CFAP52: variants seen among roughly 807,000 people sequenced by gnomAD.
The protein encoded by CFAP52 is cilia and flagella associated protein 52.
Under a neutral mutation model 70.5 loss-of-function variants are expected in CFAP52, and 57 were observed. That is an observed-to-expected ratio of 0.81 (90% confidence interval 0.65 to 1.01). The LOEUF is 1.01. CFAP52 is among the 50% of genes least tolerant of loss of function. The pLI is 0.00. For missense variants in CFAP52, 785 were observed against 788.5 expected (o/e 1.00, Z 0.05); for synonymous variants, 267 against 292.5 (o/e 0.91, Z 0.89).
intron 1 of CFAP52, among the ~76,000 whole-genome samples, chr17:9,577,081 T>C (rs1907986048): frequency 6.6e-6 from 1 of 152,156 alleles, no homozygotes; most frequent in Admixed American, 6.5e-5. Flanking sequence ...CTTCTCCCAC[T>C]AGGTCAGCCC....
rs57409272 is a variant in CFAP52 at position 9,598,215 on chromosome 17, GT to G, written c.537-7del. 31,945 of 1,139,638 alleles carry G rather than the reference GT, an allele frequency of 0.028. 55 individuals carry two copies. Among genetic ancestry groups the G allele is most frequent in the African/African-American group, 0.051 (3,343 of 65,598 alleles). The allele number at this position is 1,139,638 out of a possible 1,614,324, so 70.6% of individuals were successfully genotyped here. On this transcript the variant is annotated intron_variant, in intron 4 of 13. Coordinates refer to ENST00000352665, the MANE Select transcript of CFAP52 (RefSeq NM_145054.5). ...GGTGTCCATTTGATTGTGGTTTTTT[GT>G]TTTTTTTTTTTACATAGTGGGACAA...
At chr17:9,631,028 A>AAG (rs761523039) in intron 9 of CFAP52, among the ~76,000 whole-genome samples, 25 of 44,728 alleles carry the variant, frequency 5.6e-4, no homozygotes, top group South Asian at 1.1e-3. Flanking sequence ...GAAAGAAAGA[A>AAG]AGAGAGAGAG....
Position 9,643,355 on chromosome 17 carries a change from A to C in CFAP52, c.*157A>C, listed in dbSNP as rs1911176310. The C allele has an allele frequency of 3.9e-6, 2 of 516,842 alleles. No homozygotes were observed. Among genetic ancestry groups the C allele is most frequent in the Non-Finnish European group, 6.1e-6 (2 of 329,164 alleles). The allele number at this position is 516,842 out of a possible 1,614,324, so 32.0% of individuals were successfully genotyped here. On this transcript the variant is annotated 3_prime_UTR_variant, in exon 14 of 14. Coordinates refer to ENST00000352665, the MANE Select transcript of CFAP52 (RefSeq NM_145054.5). ...TTATAGAATGCATTTTATATTCTTA[A>C]ATTGCATATTAAAATTGAAGTATGT... is the stretch of plus-strand genomic sequence containing the variant.
intron 3 of CFAP52, among the ~76,000 whole-genome samples, chr17:9,592,031 AT>A (rs1207733614): frequency 6.6e-6 from 1 of 152,296 alleles, no homozygotes; most frequent in East Asian, 1.9e-4. Context: ...AGGCACTTGG[AT>A]TTTTTTAATT....
chr17:9,631,078 G>GAAAGAAAGAA (rs1452920856), intron 9 of CFAP52, among the ~76,000 whole-genome samples: 1 of 129,736 alleles, frequency 7.7e-6, no homozygotes, highest in Admixed American at 7.6e-5. Flanking sequence ...AAGAAAGAAA[G>GAAAGAAAGAA]AAAGAGAAAG....
At chr17:9,627,580 T>C (rs374237010) in intron 8 of CFAP52, among the ~76,000 whole-genome samples, 108 of 152,208 alleles carry the variant, frequency 7.1e-4, no homozygotes, top group African/African-American at 2.3e-3. Context: ...TCTCTCTTAA[T>C]ACAAGCAATC....
chr17:9,586,548 AGAGT>A (rs749903765), intron 2 of CFAP52, 146 bp from the exon 3 acceptor site: 108 of 1,086,954 alleles, frequency 9.9e-5, no homozygotes, highest in Non-Finnish European at 1.3e-4. Flanking sequence ...TGGGCAAAAA[AGAGT>A]GAGACTCCGT....
intron 3 of CFAP52, among the ~76,000 whole-genome samples, chr17:9,589,403 C>CCTT (rs1908640967): frequency 6.6e-6 from 1 of 152,106 alleles, no homozygotes; most frequent in Admixed American, 6.6e-5. Flanking sequence ...AGTGGTCACC[C>CCTT]CTTCCCTGGC....
chr17:9,645,002 G>C (rs1474623004), downstream of CFAP52: 1 of 152,278 alleles, frequency 6.6e-6, no homozygotes, highest in Non-Finnish European at 1.5e-5. This position sits in a 1 kb window ranked among gnomAD's most constrained non-coding sequence, Gnocchi z 6.8. Context: ...TCCCAGTTCA[G>C]GTCCCGGGTT....
intron 12 of CFAP52, among the ~76,000 whole-genome samples, chr17:9,640,324 C>T (rs929082682): frequency 6.0e-5 from 9 of 149,778 alleles, no homozygotes; most frequent in African/African-American, 2.2e-4. Flanking sequence ...GTTTGCTGTA[C>T]GGATCATCCC....
At chr17:9,640,893 C>T (rs925935441) in intron 12 of CFAP52, among the ~76,000 whole-genome samples, 1 of 152,188 alleles carries the variant, frequency 6.6e-6, no homozygotes, top group Non-Finnish European at 1.5e-5. Flanking sequence ...ACGGGCCCAA[C>T]TCGGCTTCCC....
At chr17:9,616,236 A>G (rs1251228591) in intron 8 of CFAP52, among the ~76,000 whole-genome samples, 1 of 149,388 alleles carries the variant, frequency 6.7e-6, no homozygotes, top group Admixed American at 6.7e-5. Flanking sequence ...GAAAGGGGTG[A>G]CGGACGCACC....
At position 9,576,692 on chromosome 17, in the gene CFAP52, A is replaced by G. The variant is rs1482035641; in HGVS notation, c.-4A>G. 6 of 1,611,928 alleles carry G rather than the reference A, an allele frequency of 3.7e-6. No individual in the cohort carries two copies. The highest frequency in any genetic ancestry group is 4.2e-6 in the Non-Finnish European group (5 of 1,178,984). ...GAGAGCAAAGTAATCAGAACCTCCC[A>G]AGGATGGATAACAAAATTTCGCCGG... On this transcript the variant is annotated 5_prime_UTR_variant, in exon 1 of 14. Transcript: ENST00000352665.
chr17:9,596,722 GT>G (rs369625026), intron 4 of CFAP52, among the ~76,000 whole-genome samples: 19 of 147,408 alleles, frequency 1.3e-4, no homozygotes, highest in Admixed American at 7.5e-4. Flanking sequence ...GTGTGTGTGT[GT>G]TTTTTTTTTG....
chr17:9,579,656 C>T lies in CFAP52; in HGVS notation c.70+2891C>T, dbSNP rs1364672189. ...GATCTCAGCTCACTGCAACCTCTGC[C>T]TCATGGGTTCAAGTGATTCTCCTGC... is the stretch of plus-strand genomic sequence containing the variant. On this transcript the variant is annotated intron_variant, in intron 1 of 13. Coordinates refer to ENST00000352665, the MANE Select transcript of CFAP52 (RefSeq NM_145054.5). Among the ~76,000 whole-genome samples, 3 of 152,216 alleles carry T rather than the reference C, an allele frequency of 2.0e-5. 1 individual carries two copies. The highest frequency in any genetic ancestry group is 2.0e-4 in the Admixed American group (3 of 15,272).
intron 13 of CFAP52, 74 bp from the exon 14 acceptor site, chr17:9,642,949 C>A: frequency 8.0e-7 from 1 of 1,252,282 alleles, no homozygotes; most frequent in Non-Finnish European, 1.1e-6. Context: ...TGAAAATGAT[C>A]CAGTTATTTG....
rs764033621 is a variant in CFAP52, at chr17:9,594,262, C to T, written c.477C>T (p.Gly159=). ...GCCCTGCAGCCGGCCTCAATGTTGG[C>T]AATGCCACCAATGTGATCTTCTCCA... ...CGSPAAGLNV[G]NATNVIFSRC... The change falls in exon 4 of 14, where the codon GGC becomes GGT. Residue 159 remains glycine, a synonymous_variant. Coordinates refer to ENST00000352665, the MANE Select transcript of CFAP52 (RefSeq NM_145054.5). The T allele has an allele frequency of 6.2e-7, 1 of 1,613,798 alleles. No individual in the cohort carries two copies. Among genetic ancestry groups the T allele is most frequent in the African/African-American group, 1.3e-5 (1 of 74,954 alleles).
intron 8 of CFAP52, among the ~76,000 whole-genome samples, chr17:9,613,693 AT>A (rs1364194162): frequency 2.0e-5 from 3 of 151,596 alleles, no homozygotes; most frequent in East Asian, 3.9e-4. Context: ...AATTTTTTAT[AT>A]TTTTGGTAGA....
intron 3 of CFAP52, among the ~76,000 whole-genome samples, chr17:9,588,132 C>T (rs1031651786): frequency 6.6e-6 from 1 of 152,232 alleles, no homozygotes; most frequent in Non-Finnish European, 1.5e-5. Flanking sequence ...AGGATGTTTA[C>T]ATCCTGCGTG....
Sources: allele counts gnomAD v4.1 joint callset (sites outside exome capture counted in the v4.1 genomes callset), GRCh38; gene constraint gnomAD v4.1.1; non-coding constraint Gnocchi (gnomAD v3.1); transcripts MANE v1.5; gene names NCBI Gene and HGNC (gene_info 2026-07-23, HGNC 2026-07-21).